Variants in TEK observed in about 807,000 individuals in gnomAD.
TEK encodes TEK receptor tyrosine kinase, also known as angiopoietin-1 receptor.
A neutral mutation model predicts 131.8 loss-of-function variants in TEK; 43 were observed. That is an observed-to-expected ratio of 0.33 (90% CI 0.26 to 0.42). The LOEUF is 0.42. TEK is among the 10% of genes least tolerant of loss of function. The pLI, the probability that TEK is intolerant of heterozygous loss-of-function variation, is 1.00. For synonymous variants in TEK, 580 were observed against 491.6 expected (o/e 1.18, Z -2.38); for missense variants, 1,162 against 1,384.4 (o/e 0.84, Z 2.55).
chr9:27,139,998 A>G (rs1032189748), intron 1 of TEK, among the ~76,000 whole-genome samples: 4 of 152,148 alleles, frequency 2.6e-5, no homozygotes, highest in African/African-American at 9.7e-5. Flanking sequence ...TAGACTTCCC[A>G]GTAATTTAGC....
At chr9:27,153,564 T>G (rs1434103152) in intron 1 of TEK, among the ~76,000 whole-genome samples, 1 of 152,206 alleles carries the variant, frequency 6.6e-6, no homozygotes, top group Admixed American at 6.5e-5. Flanking sequence ...TTATTAGCCT[T>G]CATGATAGAA....
chr9:27,229,454 A>G lies in TEK; in HGVS notation c.*222A>G. The G allele has an allele frequency of 1.7e-6, 1 of 578,818 alleles. No individual in the cohort carries two copies. 35.9% of individuals were successfully genotyped at this position (578,818 alleles called of 1,614,324 possible). A position where few individuals can be genotyped will look rare whatever the true frequency, so the allele number is the denominator to read the frequency against. On this transcript the variant is annotated 3_prime_UTR_variant, in exon 23 of 23. Coordinates refer to ENST00000380036, the MANE Select transcript of TEK (RefSeq NM_000459.5). Reference sequence around the variant, plus strand: ...TGTTTTAAGAATGGGCTGAAATCAGAATGCCTGTTTGTGGTTTCATATGCA... The same window carrying G: ...TGTTTTAAGAATGGGCTGAAATCAGGATGCCTGTTTGTGGTTTCATATGCA...
Position 27,190,951 on chromosome 9 carries a change from T to C in TEK, c.1489+261T>C, listed in dbSNP as rs3818282. 0.31 allele frequency among the ~76,000 whole-genome samples: 47,336 copies of C among 151,998 alleles called. 7,645 individuals carry two copies. The highest frequency in any genetic ancestry group is 0.4 in the African/African-American group (16,369 of 41,416). On this transcript the variant is annotated intron_variant, in intron 10 of 22. Coordinates refer to ENST00000380036, the MANE Select transcript of TEK (RefSeq NM_000459.5). ...TTACTATCTATATCAATATTTCTTT[T>C]TGGATCTCCAGTCCTGTTTTTAGTT...
chr9:27,178,522 T>C (rs537800661), intron 6 of TEK, among the ~76,000 whole-genome samples: 5 of 152,324 alleles, frequency 3.3e-5, no homozygotes, highest in South Asian at 2.1e-4. Flanking sequence ...TTGATAGTGA[T>C]TGTATTGAAT....
At chr9:27,168,919 G>A (rs1003256192) in intron 3 of TEK, among the ~76,000 whole-genome samples, 1 of 152,206 alleles carries the variant, frequency 6.6e-6, no homozygotes, top group Non-Finnish European at 1.5e-5. Flanking sequence ...ATTGTTGATT[G>A]CAAGGTTTAG....
intron 1 of TEK, among the ~76,000 whole-genome samples, chr9:27,119,194 G>A (rs370569871): frequency 7.9e-5 from 12 of 152,220 alleles, no homozygotes; most frequent in African/African-American, 2.4e-4. Context: ...ACCTGAACCC[G>A]AATCCTGGGC....
At chr9:27,158,922 G>C (rs1464496351) in intron 2 of TEK, among the ~76,000 whole-genome samples, 1 of 152,196 alleles carries the variant, frequency 6.6e-6, no homozygotes, top group African/African-American at 2.4e-5. Context: ...GCCTCCCAAA[G>C]TGTTGGGATT....
chr9:27,169,157 G>T (rs1046779578), intron 3 of TEK, among the ~76,000 whole-genome samples: 5 of 152,266 alleles, frequency 3.3e-5, no homozygotes, highest in African/African-American at 9.6e-5. Flanking sequence ...AGTTGACAGG[G>T]TTACCTATCA....
intron 6 of TEK, among the ~76,000 whole-genome samples, chr9:27,179,359 A>T (rs1008526962): frequency 6.6e-6 from 1 of 152,180 alleles, no homozygotes; most frequent in Non-Finnish European, 1.5e-5. Flanking sequence ...TTATGAACAT[A>T]TCTTCTTTTA....
chr9:27,130,995 C>T (rs764643970), intron 1 of TEK, among the ~76,000 whole-genome samples: 49 of 152,176 alleles, frequency 3.2e-4, no homozygotes, highest in Non-Finnish European at 5.4e-4. Context: ...TATAAGCATG[C>T]GAAAAGTTTA....
intron 1 of TEK, 136 bp downstream of exon 1, chr9:27,109,778 C>T: frequency 3.6e-6 from 3 of 831,014 alleles, no homozygotes; most frequent in African/African-American, 1.7e-5. Context: ...CTCTGTGAGT[C>T]TCCAGTCAAT....
At position 27,197,619 on chromosome 9, in the gene TEK, C is replaced by T. The variant is rs1299693730; in HGVS notation, c.1909+20C>T. ...GTGACAGTAAGTAATTCATGCTGCT[C>T]CAGCCTCATCTGAGCAATAAGGGGC... On this transcript the variant is annotated intron_variant, in intron 12 of 22. Coordinates refer to ENST00000380036, the MANE Select transcript of TEK (RefSeq NM_000459.5). 11 of 1,613,344 alleles carry T rather than the reference C, an allele frequency of 6.8e-6. No individual in the cohort carries two copies. Among genetic ancestry groups the T allele is most frequent in the Non-Finnish European group, 8.5e-7 (1 of 1,179,806 alleles).
chr9:27,211,191 A>ATGTATATATGAATATATATG (rs1554701092), intron 16 of TEK, among the ~76,000 whole-genome samples: 1 of 143,334 alleles, frequency 7.0e-6, no homozygotes, highest in African/African-American at 2.6e-5. Flanking sequence ...ATATGAATAT[A>ATGTATATATGAATATATATG]TGTATATATA....
chr9:27,151,226 AT>A (rs1823116534), intron 1 of TEK, among the ~76,000 whole-genome samples: 2 of 152,204 alleles, frequency 1.3e-5, no homozygotes, highest in Non-Finnish European at 1.5e-5. Context: ...AAGACAGAGA[AT>A]AAAAAAGGAT....
intron 1 of TEK, among the ~76,000 whole-genome samples, chr9:27,137,660 G>A (rs2131076324): frequency 7.1e-6 from 1 of 140,866 alleles, no homozygotes. Flanking sequence ...GTTCCCGTAT[G>A]ATTAAAGCAT....
In TEK at chr9:27,215,919, A is replaced by G. The variant is rs141721146; in HGVS notation, c.2992-1769A>G. Among the ~76,000 whole-genome samples the G allele has an allele frequency of 1.4e-4, 21 of 152,272 alleles. No homozygotes were observed. In the East Asian group the frequency reaches 4.1e-3, roughly 29 times the overall value. On this transcript the variant is annotated intron_variant, in intron 18 of 22. Coordinates refer to ENST00000380036, the MANE Select transcript of TEK (RefSeq NM_000459.5). ...AGGTCAAATCCTGAGTTTCATAGTA[A>G]ATGTTAGATAGGCAGTGAGGATGTG...
intron 16 of TEK, among the ~76,000 whole-genome samples, chr9:27,209,711 C>T (rs1254398142): frequency 1.3e-5 from 2 of 152,152 alleles, no homozygotes; most frequent in South Asian, 2.1e-4. Flanking sequence ...AGCTTTCATG[C>T]GATAGTGCTT....
chr9:27,142,577 G>C (rs151093968), intron 1 of TEK, among the ~76,000 whole-genome samples: 1 of 152,366 alleles, frequency 6.6e-6, no homozygotes, highest in East Asian at 1.9e-4. Flanking sequence ...TGAGATCCAA[G>C]AGAAATCTGC....
chr9:27,166,856 A>G (rs923038939), intron 2 of TEK, among the ~76,000 whole-genome samples: 1 of 152,086 alleles, frequency 6.6e-6, no homozygotes, highest in African/African-American at 2.4e-5. Context: ...AATGTCTGCC[A>G]CCTTATCCTA....
Sources: gnomAD v4.1 joint callset for allele counts (sites outside exome capture counted in the v4.1 genomes callset) on GRCh38, gnomAD v4.1.1 for gene constraint, MANE v1.5 for transcripts, NCBI Gene and HGNC (gene_info 2026-07-23, HGNC 2026-07-21) for gene names.